The following TATDN3 variants were observed in gnomAD, a reference collection of about 807,000 sequenced individuals.
TATDN3 encodes the protein deoxyribonuclease TATDN3.
Under a neutral mutation model 40.1 loss-of-function variants are expected in TATDN3, and 29 were observed. That is an observed-to-expected ratio of 0.72 (90% confidence interval 0.54 to 0.99). The LOEUF (loss-of-function observed/expected upper bound fraction) is 0.99, where lower values mean the gene tolerates loss of function less well. Ranked by LOEUF, TATDN3 falls within the 50% of genes least tolerant of loss-of-function variation. The pLI, the probability that TATDN3 is intolerant of heterozygous loss-of-function variation, is 0.00. For synonymous variants in TATDN3, 105 were observed against 117.0 expected (o/e 0.90, Z 0.66); for missense variants, 309 against 321.9 (o/e 0.96, Z 0.31).
At chr1:212,809,557 G>A (rs1403530985) in intron 8 of TATDN3, among the ~76,000 whole-genome samples, 1 of 151,980 alleles carries the variant, frequency 6.6e-6, no homozygotes, top group East Asian at 1.9e-4. Context: ...GGTGGTGGGC[G>A]CCTGTAGTCC....
At position 212,804,329 on chromosome 1, in the gene TATDN3, G is replaced by A. The variant is rs1470859625; in HGVS notation, c.331G>A (p.Asp111Asn). ...TATTTTTCTGCTCTAGGTTGGACTA[G>A]ATTTCTCCCCCAGATTTGCTGGCAC... ...RLLAIGEVGLDFSPRFAGTGE... is the reference protein window; with the variant it reads ...RLLAIGEVGLNFSPRFAGTGE... Residue 111 changes from aspartate (D) to asparagine (N), a missense_variant, in exon 6 of 10, where the codon GAT becomes AAT. By Grantham distance (23) the Asp-to-Asn change is conservative. Transcript: ENST00000366974. The A allele has an allele frequency of 6.2e-7, 1 of 1,613,482 alleles. No individual in the cohort carries two copies. Among genetic ancestry groups the A allele is most frequent in the Non-Finnish European group, 8.5e-7 (1 of 1,179,630 alleles).
Position 212,807,720 on chromosome 1 carries a change from C to A in TATDN3, c.488-16C>A. 6.3e-7 allele frequency: 1 copy of A among 1,578,418 alleles called. No homozygotes were observed. On this transcript the variant is annotated splice_polypyrimidine_tract_variant and intron_variant, in intron 7 of 9. Transcript: ENST00000366974. ...GACATAAAATGGAATACTGCCTTAT[C>A]TTTCATTTTTGAAAGGTGCTGAGAA...
At chr1:212,796,471 A>G in intron 2 of TATDN3, 46 bp from the exon 3 acceptor site, 1 of 1,367,660 alleles carries the variant, frequency 7.3e-7, no homozygotes, top group Non-Finnish European at 9.6e-7. Flanking sequence ...TATAATTTAT[A>G]TTAAATGTAT....
At chr1:212,795,667 G>A (rs191449590) in intron 2 of TATDN3, among the ~76,000 whole-genome samples, 1 of 152,240 alleles carries the variant, frequency 6.6e-6, no homozygotes, top group East Asian at 1.9e-4. Flanking sequence ...CCCACCTTGG[G>A]CTCCCAAAAT....
intron 8 of TATDN3, among the ~76,000 whole-genome samples, chr1:212,810,048 ATAAAAT>A (rs1571972756): frequency 2.0e-5 from 3 of 151,860 alleles, no homozygotes; most frequent in Admixed American, 6.6e-5. Flanking sequence ...TAATAAAAAA[ATAAAAT>A]TTAAATTGCA....
chr1:212,795,243 G>A (rs768192521), intron 2 of TATDN3, 116 bp downstream of exon 2: 2 of 445,394 alleles, frequency 4.5e-6, no homozygotes, highest in Non-Finnish European at 7.9e-6. Flanking sequence ...ATAGTAAGTA[G>A]CATTTTTTAT....
At chr1:212,796,922 T>C (rs111412531) in intron 3 of TATDN3, 190 bp from the exon 4 acceptor site, 2 of 527,990 alleles carry the variant, frequency 3.8e-6, no homozygotes, top group African/African-American at 3.9e-5. Flanking sequence ...TTTTTGTAGA[T>C]ACAGGATTTC....
At chr1:212,793,281 C>G (rs1392256976) in intron 1 of TATDN3, among the ~76,000 whole-genome samples, 2 of 152,056 alleles carry the variant, frequency 1.3e-5, no homozygotes, top group Admixed American at 6.6e-5. Context: ...AGCATGATCT[C>G]AGGTCATTGC....
rs1462134795 is a variant in TATDN3 at position 212,791,957 on chromosome 1, C to G, written c.36C>G (p.His12Gln). ...CTGGCGTAGGCTTGGTGGACTGTCA[C>G]TGCCACCTCTCCGCCCCGGACTTTG... ...RAAGVGLVDCHCHLSAPDFDR... is the reference protein window; with the variant it reads ...RAAGVGLVDCQCHLSAPDFDR... Residue 12 changes from histidine to glutamine, a missense_variant, in exon 1 of 10, where the codon CAC becomes CAG. Coordinates refer to ENST00000366974, the MANE Select transcript of TATDN3 (RefSeq NM_001042552.3). 1 of 1,614,044 alleles carries G rather than the reference C, an allele frequency of 6.2e-7. No homozygotes were observed.
intron 7 of TATDN3, among the ~76,000 whole-genome samples, chr1:212,807,401 C>T (rs373995130): frequency 2.6e-5 from 4 of 151,944 alleles, no homozygotes; most frequent in South Asian, 2.1e-4. Flanking sequence ...TACAGGCCTG[C>T]ACCACCATGC....
chr1:212,794,430 A>G (rs1156446017), intron 1 of TATDN3, among the ~76,000 whole-genome samples: 3 of 152,088 alleles, frequency 2.0e-5, no homozygotes, highest in African/African-American at 7.2e-5. Context: ...ATCTCTACTA[A>G]AAATACAAAA....
At chr1:212,796,425 G>T in intron 2 of TATDN3, 92 bp from the exon 3 acceptor site, 1 of 972,162 alleles carries the variant, frequency 1.0e-6, no homozygotes, top group Non-Finnish European at 1.4e-6. Context: ...GGCTGAACAA[G>T]GATAACTAAA....
chr1:212,796,419 G>A (rs1661761855), intron 2 of TATDN3, 98 bp from the exon 3 acceptor site: 9 of 927,740 alleles, frequency 9.7e-6, no homozygotes, highest in Non-Finnish European at 1.4e-5. Flanking sequence ...AAGCATGGCT[G>A]AACAAGGATA....
rs1395174681 is a variant in TATDN3 at position 212,806,847 on chromosome 1, CATATATACAT to C, written c.488-886_488-877del. ...ATATACATATATATACATATATACACATATATACATATGTATATACACATATATACATATG... is the reference window on the plus strand; with the variant it reads ...ATATACATATATATACATATATACACATGTATATACACATATATACATATG... On this transcript the variant is annotated intron_variant, in intron 7 of 9. Coordinates refer to ENST00000366974, the MANE Select transcript of TATDN3 (RefSeq NM_001042552.3). 1.4e-4 allele frequency among the ~76,000 whole-genome samples: 11 copies of C among 78,204 alleles called. 1 individual carries two copies. Among genetic ancestry groups the C allele is most frequent in the African/African-American group, 7.8e-4 (11 of 14,056 alleles). 51.3% of individuals were successfully genotyped at this position (78,204 alleles called of 152,430 possible).
intron 1 of TATDN3, among the ~76,000 whole-genome samples, chr1:212,792,390 G>C (rs1354048347): frequency 1.3e-5 from 2 of 151,928 alleles, no homozygotes; most frequent in South Asian, 2.1e-4. Context: ...CCAGCACTTT[G>C]GGAGGCCGAG....
chr1:212,797,443 G>C (rs1015886431), intron 4 of TATDN3: 8 of 419,036 alleles, frequency 1.9e-5, no homozygotes, highest in South Asian at 3.6e-5. Context: ...TGCATTTATA[G>C]AAAATGAGGA....
chr1:212,797,130 G>T lies in TATDN3; in HGVS notation c.192G>T (p.Leu64=). The part of the protein sequence containing the change: ...QLSERYNGFV[L]PCLGVHPVQG... ...TTTTTAGGTATAATGGGTTTGTCCT[G>T]CCATGCTTGGGTGTTCATCCAGTTC... The change falls in exon 4 of 10, where the codon CTG becomes CTT. Residue 64 remains leucine, a synonymous_variant. Transcript: ENST00000366974. 1 of 1,614,048 alleles carries T rather than the reference G, an allele frequency of 6.2e-7. No homozygotes were observed.
chr1:212,797,210 A>C lies in TATDN3; in HGVS notation c.258+14A>C, dbSNP rs1407222314. 1.2e-6 allele frequency: 2 copies of C among 1,600,034 alleles called. No homozygotes were observed. The highest frequency in any genetic ancestry group is 4.5e-5 in the East Asian group (2 of 44,796). ...GTCACACTAAAGGTAACAGTCATAC[A>C]AAACAGGAACCATTAAAAACAAACA... On this transcript the variant is annotated intron_variant, in intron 4 of 9. Transcript: ENST00000366974.
Position 212,802,703 on chromosome 1 carries a change from T to G in TATDN3, c.261T>G (p.Asp87Glu). Reference protein sequence around the residue: ...PEDQRSVTLKDLDVALPIIEN... With the variant: ...PEDQRSVTLKELDVALPIIEN... ...CAATTTTACTTTTTTTCTCCCAGGA[T>G]TTGGATGTAGCTTTGCCCATTATTG... Residue 87 changes from aspartate (D) to glutamate (E), a missense_variant and splice_region_variant, in exon 5 of 10, where the codon GAT becomes GAG. Physicochemically the swap from Asp to Glu is conservative, Grantham distance 45. Coordinates refer to ENST00000366974, the MANE Select transcript of TATDN3 (RefSeq NM_001042552.3). The G allele has an allele frequency of 6.2e-7, 1 of 1,610,816 alleles. No homozygotes were observed. The highest frequency in any genetic ancestry group is 8.5e-7 in the Non-Finnish European group (1 of 1,177,048).
Sources: gnomAD v4.1 joint callset for allele counts (sites outside exome capture counted in the v4.1 genomes callset) on GRCh38, gnomAD v4.1.1 for gene constraint, MANE v1.5 for transcripts, NCBI Gene and HGNC (gene_info 2026-07-23, HGNC 2026-07-21) for gene names.